Variants in SH2D1A observed in about 807,000 individuals in gnomAD.
The protein encoded by SH2D1A is SH2 domain containing 1A.
A neutral mutation model predicts 10.1 loss-of-function variants in SH2D1A; 6 were observed. The ratio of observed to expected loss-of-function variants is 0.60; its 90% confidence interval spans 0.33 to 1.18. The LOEUF (loss-of-function observed/expected upper bound fraction) is 1.18. Among genes scored for constraint, SH2D1A ranks in the 50% most tolerant of loss-of-function variants. SH2D1A has a pLI of 0.04. For missense variants in SH2D1A, 51 were observed against 97.6 expected (o/e 0.52, Z 2.01); for synonymous variants, 42 against 36.9 (o/e 1.14, Z -0.51).
intron 2 of SH2D1A, among the ~76,000 whole-genome samples, chrX:124,369,795 GTTT>G (rs955827424): frequency 5.9e-4 from 60 of 101,780 alleles, no homozygotes; most frequent in African/African-American, 2.4e-3. Flanking sequence ...CTGTTTTTTT[GTTT>G]TTGTTTTTGT....
chrX:124,372,613 G>A lies in SH2D1A; in HGVS notation c.*1222G>A, dbSNP rs887004708. ...GGTTCCCCGTGTGTAGGTAGATCTG[G>A]TCTTTAGAGGCAGATAGATAGGTCA... On this transcript the variant is annotated 3_prime_UTR_variant, in exon 4 of 4. Transcript: ENST00000371139. 4.7e-5 allele frequency: 8 copies of A among 169,389 alleles called. No individual in the cohort carries two copies. Among genetic ancestry groups the A allele is most frequent in the Non-Finnish European group, 7.9e-5 (7 of 88,254 alleles). 14.0% of individuals were successfully genotyped at this position (169,389 alleles called of 1,213,427 possible). A position where few individuals can be genotyped will look rare whatever the true frequency, so the allele number is the denominator to read the frequency against.
intron 1 of SH2D1A, among the ~76,000 whole-genome samples, chrX:124,350,650 AATATATTATATATT>A (rs2060010589): frequency 2.3e-5 from 1 of 43,916 alleles, no homozygotes; most frequent in African/African-American, 1.2e-4. Flanking sequence ...TATAAGATAT[AATATATTATATATT>A]GTATATAAGA....
intron 1 of SH2D1A, among the ~76,000 whole-genome samples, chrX:124,365,384 TAA>T (rs761077996): frequency 7.6e-4 from 84 of 110,665 alleles, no homozygotes; most frequent in African/African-American, 2.6e-3. Flanking sequence ...GTTTTCACCT[TAA>T]GTTTCGATAT....
rs1029500597 is a variant in SH2D1A, at chrX:124,352,055, C to A, written c.137+5276C>A. On this transcript the variant is annotated intron_variant, in intron 1 of 3. Coordinates refer to ENST00000371139, the MANE Select transcript of SH2D1A (RefSeq NM_002351.5). ...TCGTTTTCTTTGTGTTTGATTTCTT[C>A]CTTGGCTAGAAAGTCCTTTCCCCTT... is the stretch of plus-strand genomic sequence containing the variant. 2.7e-5 allele frequency among the ~76,000 whole-genome samples: 3 copies of A among 111,161 alleles called. No homozygotes were observed. The East Asian group carries it at 8.4e-4, about 31-fold the overall frequency.
intron 1 of SH2D1A, among the ~76,000 whole-genome samples, chrX:124,365,507 T>G: frequency 9.0e-6 from 1 of 110,669 alleles, no homozygotes; most frequent in East Asian, 2.8e-4. Context: ...TCTCTCAACT[T>G]GACAAATCTT....
intron 1 of SH2D1A, among the ~76,000 whole-genome samples, chrX:124,355,916 TG>T (rs750026354): frequency 4.5e-5 from 5 of 111,450 alleles, no homozygotes; most frequent in African/African-American, 9.8e-5. Context: ...GTTTTGTGTG[TG>T]TTTTTTTTAA....
chrX:124,356,975 A>G (rs1472124891), intron 1 of SH2D1A, among the ~76,000 whole-genome samples: 3 of 112,294 alleles, frequency 2.7e-5, no homozygotes, highest in African/African-American at 6.5e-5. Flanking sequence ...TCACATACTT[A>G]CATTTTGTGA....
intron 2 of SH2D1A, among the ~76,000 whole-genome samples, chrX:124,366,320 C>G (rs1188981137): frequency 9.0e-6 from 1 of 111,211 alleles, no homozygotes; most frequent in Non-Finnish European, 1.9e-5. Context: ...CTCCCCTCCT[C>G]TCTGATAGGT....
chrX:124,365,615 C>T (rs1370059560), intron 1 of SH2D1A, 146 bp from the exon 2 acceptor site: 1 of 455,104 alleles, frequency 2.2e-6, no homozygotes, highest in Non-Finnish European at 3.9e-6. Flanking sequence ...AAGTTAGATT[C>T]ACTATGCTTT....
intron 1 of SH2D1A, among the ~76,000 whole-genome samples, chrX:124,360,740 T>C (rs1303101383): frequency 9.0e-6 from 1 of 110,911 alleles, no homozygotes; most frequent in Non-Finnish European, 1.9e-5. Flanking sequence ...ACAATTGATT[T>C]TGATTCACAT....
intron 1 of SH2D1A, among the ~76,000 whole-genome samples, chrX:124,353,923 G>A (rs1373776465): frequency 8.9e-6 from 1 of 112,162 alleles, no homozygotes; most frequent in Non-Finnish European, 1.9e-5. Flanking sequence ...AAATGGGGGA[G>A]GAGCAGTGAT....
At chrX:124,365,923 A>G in intron 2 of SH2D1A, 99 bp downstream of exon 2, 1 of 563,896 alleles carries the variant, frequency 1.8e-6, no homozygotes, top group Non-Finnish European at 3.1e-6. Context: ...TTAAGTATTC[A>G]TAAGGTTTAA....
rs764219426 is a variant in SH2D1A, at chrX:124,346,593, T to C, written c.-50T>C. ...GTGCCTGGCTGCAGTAGCAGCGGCA[T>C]CTCCCTTGCACAGTTCTCCTCCTCG... On this transcript the variant is annotated 5_prime_UTR_variant, in exon 1 of 4. Coordinates refer to ENST00000371139, the MANE Select transcript of SH2D1A (RefSeq NM_002351.5). 56 of 1,200,633 alleles carry C rather than the reference T, an allele frequency of 4.7e-5. No homozygotes were observed. In the East Asian group the frequency reaches 1.6e-3, roughly 35 times the overall value.
At chrX:124,354,979 A>G (rs1462840712) in intron 1 of SH2D1A, among the ~76,000 whole-genome samples, 3 of 112,710 alleles carry the variant, frequency 2.7e-5, no homozygotes, top group African/African-American at 9.7e-5. Context: ...GAATCAGAGT[A>G]TAGTCTCAAA....
intron 1 of SH2D1A, among the ~76,000 whole-genome samples, chrX:124,363,655 A>G (rs2060045644): frequency 9.0e-6 from 1 of 110,704 alleles, no homozygotes; most frequent in Admixed American, 9.6e-5. Flanking sequence ...GCACTGTGGG[A>G]GGCTGAGGTG....
chrX:124,360,479 A>G (rs1270777498), intron 1 of SH2D1A, among the ~76,000 whole-genome samples: 5 of 97,349 alleles, frequency 5.1e-5, no homozygotes, highest in Non-Finnish European at 1.0e-4. Context: ...AAAATTAGCT[A>G]GGCACAGCAG....
At chrX:124,351,832 G>A (rs1014223025) in intron 1 of SH2D1A, among the ~76,000 whole-genome samples, 3 of 109,878 alleles carry the variant, frequency 2.7e-5, no homozygotes, top group African/African-American at 9.9e-5. Flanking sequence ...TTGATCTATT[G>A]CAAGGTATCC....
At position 124,365,859 on chromosome X, in the gene SH2D1A, C is replaced by G. The variant is rs1371014121; in HGVS notation, c.201+35C>G. On this transcript the variant is annotated intron_variant, in intron 2 of 3. Transcript: ENST00000371139. ...TATTTATTTTTGCTTCTGGGGGTGT[C>G]AAGGAGGTATTTGAAATTTAGGCTG... 7.9e-6 allele frequency: 7 copies of G among 887,425 alleles called. No homozygotes were observed. In the East Asian group the frequency reaches 2.2e-4, roughly 28 times the overall value. 73.1% of individuals were successfully genotyped at this position (887,425 alleles called of 1,213,427 possible). A position where few individuals can be genotyped will look rare whatever the true frequency, so the allele number is the denominator to read the frequency against.
intron 1 of SH2D1A, among the ~76,000 whole-genome samples, chrX:124,349,618 A>G (rs1450201558): frequency 9.0e-6 from 1 of 111,318 alleles, no homozygotes; most frequent in African/African-American, 3.3e-5. Context: ...TTTTTATTGT[A>G]GAGATAATAC....
Sources: gnomAD v4.1 joint callset for allele counts (sites outside exome capture counted in the v4.1 genomes callset) on GRCh38, gnomAD v4.1.1 for gene constraint, MANE v1.5 for transcripts, NCBI Gene and HGNC (gene_info 2026-07-23, HGNC 2026-07-21) for gene names.